Variants in ANO4 observed in about 807,000 individuals in gnomAD.
The protein encoded by ANO4 is anoctamin 4.
ANO4 carries 69 observed loss-of-function variants against 141.9 expected under a neutral mutation model. The ratio of observed to expected loss-of-function variants is 0.49; its 90% CI spans 0.40 to 0.59. The LOEUF (loss-of-function observed/expected upper bound fraction) is 0.59. Among genes scored for constraint, ANO4 ranks in the 20% least tolerant of loss-of-function variants. ANO4 has a pLI of 0.00. For missense variants in ANO4, 894 were observed against 1,162.2 expected (o/e 0.77, Z 3.36); for synonymous variants, 350 against 394.3 (o/e 0.89, Z 1.33).
At chr12:100,844,128 G>A (rs140277392) in intron 1 of ANO4, among the ~76,000 whole-genome samples, 44 of 152,182 alleles carry the variant, frequency 2.9e-4, no homozygotes, top group African/African-American at 1.1e-3. Flanking sequence ...TGTACAGGAG[G>A]GGATTAGATT....
At position 101,112,213 on chromosome 12, in the gene ANO4, G is replaced by A. The variant is rs149089135; in HGVS notation, c.2450+503G>A. Among the ~76,000 whole-genome samples the A allele has an allele frequency of 2.3e-3, 345 of 152,158 alleles. 1 individual carries two copies. Among genetic ancestry groups the A allele is most frequent in the East Asian group, 8.7e-3 (45 of 5,170 alleles). ...CAGTAGGTCCTCAATAAGTATTCGT[G>A]GAATAAGTAAGTGAATGACTTTTTC... On this transcript the variant is annotated intron_variant, in intron 24 of 27. Transcript: ENST00000392977.
intron 9 of ANO4, among the ~76,000 whole-genome samples, chr12:101,032,529 C>A (rs979144052): frequency 9.9e-5 from 15 of 152,182 alleles, no homozygotes; most frequent in Non-Finnish European, 8.8e-5. Context: ...AGTGAACAGG[C>A]AACCCACAAA....
chr12:100,749,435 C>A (rs1270706642), intron 3 of ANO4, among the ~76,000 whole-genome samples: 1 of 152,218 alleles, frequency 6.6e-6, no homozygotes, highest in African/African-American at 2.4e-5. Flanking sequence ...CATTGCTGAG[C>A]TTTCTTCAAA....
chr12:100,889,416 A>G (rs2039996507), intron 1 of ANO4, among the ~76,000 whole-genome samples: 2 of 152,180 alleles, frequency 1.3e-5, no homozygotes, highest in African/African-American at 4.8e-5. Context: ...TGGCTGGGTC[A>G]AGTGGTATTT....
chr12:100,898,586 T>A (rs995200436), intron 1 of ANO4, among the ~76,000 whole-genome samples: 1 of 152,218 alleles, frequency 6.6e-6, no homozygotes, highest in Non-Finnish European at 1.5e-5. Flanking sequence ...TTTGCTATGA[T>A]CTACATTATT....
chr12:101,009,612 G>A (rs557324076), intron 8 of ANO4, among the ~76,000 whole-genome samples: 19 of 152,112 alleles, frequency 1.2e-4, no homozygotes, highest in Admixed American at 4.6e-4. Context: ...TTCTCTGTGC[G>A]TAACCTTTCT....
chr12:100,773,148 C>T (rs1213579585), intron 3 of ANO4, among the ~76,000 whole-genome samples: 1 of 152,228 alleles, frequency 6.6e-6, no homozygotes, highest in Non-Finnish European at 1.5e-5. Flanking sequence ...CCTGCTTCCT[C>T]ATTCACAGAT....
intron 16 of ANO4, among the ~76,000 whole-genome samples, chr12:101,084,072 A>G (rs1338602529): frequency 6.6e-6 from 1 of 152,210 alleles, no homozygotes; most frequent in African/African-American, 2.4e-5. Context: ...AGACCCTCTA[A>G]TCTGATATTC....
chr12:100,889,470 T>C (rs1181304895), intron 1 of ANO4, among the ~76,000 whole-genome samples: 1 of 152,166 alleles, frequency 6.6e-6, no homozygotes, highest in Non-Finnish European at 1.5e-5. Context: ...ACTTCCACAA[T>C]GGTTGAACTA....
Position 101,003,805 on chromosome 12 carries a change from A to G in ANO4, c.734+16135A>G, listed in dbSNP as rs2045755838. 2.6e-5 allele frequency among the ~76,000 whole-genome samples: 4 copies of G among 152,284 alleles called. 1 individual carries two copies. The South Asian group carries it at 8.3e-4, about 32-fold the overall frequency. ...TTTTGAATATTCTCATTAGAAGGAAATGGTAAATGTTTTGTTCTGAACACC... is the reference window on the plus strand; with the variant it reads ...TTTTGAATATTCTCATTAGAAGGAAGTGGTAAATGTTTTGTTCTGAACACC... On this transcript the variant is annotated intron_variant, in intron 8 of 27. Transcript: ENST00000392977.
chr12:101,067,408 T>C (rs1252164970), intron 14 of ANO4, among the ~76,000 whole-genome samples: 2 of 152,224 alleles, frequency 1.3e-5, no homozygotes, highest in Admixed American at 6.5e-5. Flanking sequence ...TCAAAAGTGC[T>C]GAAGGAGGCC....
At chr12:100,833,067 G>T (rs10507119) in intron 1 of ANO4, among the ~76,000 whole-genome samples, 15,126 of 152,078 alleles carry the variant, frequency 0.099, 868 homozygotes, top group South Asian at 0.17. Flanking sequence ...TTTTCGCAAC[G>T]TATTTGTGAA....
intron 1 of ANO4, among the ~76,000 whole-genome samples, chr12:100,837,858 C>A (rs2037021655): frequency 6.6e-6 from 1 of 151,996 alleles, no homozygotes; most frequent in Non-Finnish European, 1.5e-5. Context: ...ATTTTCAAGT[C>A]AGCATGAGGT....
At position 101,083,597 on chromosome 12, in the gene ANO4, A is replaced by G; in HGVS notation, c.1396-81A>G. The G allele has an allele frequency of 2.7e-6, 4 of 1,504,744 alleles. No homozygotes were observed. The South Asian group carries it at 5.2e-5, about 20-fold the overall frequency. The allele number at this position is 1,504,744 out of a possible 1,614,324, so 93.2% of individuals were successfully genotyped here. ...GTGTGGCAGCTGTTGACTCTGTTTT[A>G]TGGTGGGGTAAAATGATATTTCTTT... On this transcript the variant is annotated intron_variant, in intron 15 of 27. Coordinates refer to ENST00000392977, the MANE Select transcript of ANO4 (RefSeq NM_001286615.2).
chr12:100,890,670 G>A (rs1565976491), intron 1 of ANO4, among the ~76,000 whole-genome samples: 1 of 152,038 alleles, frequency 6.6e-6, no homozygotes, highest in Non-Finnish European at 1.5e-5. Context: ...CAGCAAAATT[G>A]ACTGCAAAAT....
At chr12:100,787,009 T>C (rs906142325) in intron 3 of ANO4, among the ~76,000 whole-genome samples, 1 of 152,142 alleles carries the variant, frequency 6.6e-6, no homozygotes, top group East Asian at 1.9e-4. Flanking sequence ...AGGAAACATA[T>C]AGTCTAGTAA....
chr12:100,727,434 C>T (rs1474868442), intron 1 of ANO4, among the ~76,000 whole-genome samples: 2 of 152,104 alleles, frequency 1.3e-5, no homozygotes, highest in Non-Finnish European at 2.9e-5. Flanking sequence ...CCACCTTTAT[C>T]CTTAATAATG....
chr12:101,058,265 C>G (rs1368896476), intron 14 of ANO4, among the ~76,000 whole-genome samples: 1 of 151,952 alleles, frequency 6.6e-6, no homozygotes, highest in Non-Finnish European at 1.5e-5. Flanking sequence ...GTTACTGTAG[C>G]CTTGTAGTAT....
intron 3 of ANO4, among the ~76,000 whole-genome samples, chr12:100,786,332 T>A (rs1241951444): frequency 6.6e-6 from 1 of 152,082 alleles, no homozygotes; most frequent in East Asian, 1.9e-4. Flanking sequence ...TATAGCTAAC[T>A]TCCTGTGAGG....
Sources: allele counts gnomAD v4.1 joint callset (sites outside exome capture counted in the v4.1 genomes callset), GRCh38; gene constraint gnomAD v4.1.1; transcripts MANE v1.5; gene names NCBI Gene and HGNC (gene_info 2026-07-23, HGNC 2026-07-21).